TUSC3: variants seen among roughly 807,000 people sequenced by gnomAD.
TUSC3 encodes the protein dolichyl-diphosphooligosaccharide--protein glycosyltransferase subunit TUSC3.
In TUSC3, 45 loss-of-function variants were observed where a neutral mutation model predicts 44.8. That is an observed-to-expected ratio of 1.00 (90% CI 0.79 to 1.29). The LOEUF is 1.29. TUSC3 is among the 50% of genes most tolerant of loss of function. The pLI, the probability that TUSC3 is intolerant of heterozygous loss-of-function variation, is 0.00. For synonymous variants in TUSC3, 212 were observed against 152.9 expected (o/e 1.39, Z -2.85); for missense variants, 519 against 437.9 (o/e 1.19, Z -1.65).
chr8:15,758,250 G>C, intron 10 of TUSC3: 1 of 986,726 alleles, frequency 1.0e-6, no homozygotes, highest in Non-Finnish European at 1.2e-6. Flanking sequence ...TAATATTCAA[G>C]GGTAATAAAA....
intron 5 of TUSC3, among the ~76,000 whole-genome samples, chr8:15,667,227 T>A (rs944696036): frequency 6.6e-6 from 1 of 151,638 alleles, no homozygotes; most frequent in African/African-American, 2.4e-5. Context: ...AGTCTTAAGC[T>A]TTTTGTTGTT....
chr8:15,797,609 G>A, the TUSC3 span, among the ~76,000 whole-genome samples: 6 of 152,170 alleles, frequency 3.9e-5, no homozygotes, highest in Admixed American at 6.5e-5. Flanking sequence ...AAGAACAGAA[G>A]CACTCGTGCT....
intron 1 of TUSC3, among the ~76,000 whole-genome samples, chr8:15,599,443 T>C (rs116324203): frequency 1.2e-3 from 182 of 151,914 alleles, no homozygotes; most frequent in African/African-American, 4.2e-3. Context: ...TGAATTTTAA[T>C]GAAGTCTAGC....
chr8:15,694,557 G>A (rs541564381), intron 6 of TUSC3, among the ~76,000 whole-genome samples: 49 of 152,104 alleles, frequency 3.2e-4, no homozygotes, highest in Admixed American at 6.5e-4. Context: ...TATCTTCGTG[G>A]GCTGATGTCC....
At chr8:15,791,496 A>C in the TUSC3 span, among the ~76,000 whole-genome samples, 3 of 152,106 alleles carry the variant, frequency 2.0e-5, no homozygotes. Flanking sequence ...GAAATCATCT[A>C]ATCCAGTTTC....
At chr8:15,489,186 G>C (rs1239830541) in intron 2 of TUSC3, among the ~76,000 whole-genome samples, 1 of 152,146 alleles carries the variant, frequency 6.6e-6, no homozygotes, top group African/African-American at 2.4e-5. Context: ...TACCTGTAAG[G>C]TCTACATTGG....
At chr8:15,518,350 A>T (rs536938519) in intron 2 of TUSC3, among the ~76,000 whole-genome samples, 1 of 152,060 alleles carries the variant, frequency 6.6e-6, no homozygotes, top group Non-Finnish European at 1.5e-5. Context: ...TTTTATCCAT[A>T]TAGTGTGTGA....
intron 2 of TUSC3, among the ~76,000 whole-genome samples, chr8:15,509,642 A>G (rs1013289589): frequency 2.6e-5 from 4 of 152,016 alleles, no homozygotes; most frequent in African/African-American, 7.2e-5. Flanking sequence ...GCACAGAAAC[A>G]TTGGATTAAG....
chr8:15,686,413 G>A lies in TUSC3; in HGVS notation c.798+12577G>A, dbSNP rs138405916. Among the ~76,000 whole-genome samples, 404 of 152,034 alleles carry A rather than the reference G, an allele frequency of 2.7e-3. 3 individuals are homozygous for A. The highest frequency in any genetic ancestry group is 8.3e-3 in the African/African-American group (344 of 41,472). ...AATTCAGTTGTGAGTAAAACTAAGC[G>A]TTATATTCTGCATGCACATGCAGAA... On this transcript the variant is annotated intron_variant, in intron 6 of 10. Transcript: ENST00000503731.
At chr8:15,456,613 T>G (rs1800259783) in intron 1 of TUSC3, among the ~76,000 whole-genome samples, 2 of 152,300 alleles carry the variant, frequency 1.3e-5, no homozygotes, top group South Asian at 4.1e-4. Flanking sequence ...CTTATGGAAC[T>G]TTGATGTAGA....
At chr8:15,485,338 G>C (rs1394657955) in intron 2 of TUSC3, among the ~76,000 whole-genome samples, 1 of 151,956 alleles carries the variant, frequency 6.6e-6, no homozygotes, top group Non-Finnish European at 1.5e-5. Flanking sequence ...TTGTTTCTTT[G>C]CTGCATTTTT....
chr8:15,432,423 C>G (rs1287270442), intron 1 of TUSC3, among the ~76,000 whole-genome samples: 2 of 152,128 alleles, frequency 1.3e-5, no homozygotes, highest in South Asian at 2.1e-4. Flanking sequence ...ATTCTGTCTA[C>G]TTTATCCATT....
chr8:15,581,809 A>T (rs1803358540), intron 1 of TUSC3, among the ~76,000 whole-genome samples: 2 of 132,516 alleles, frequency 1.5e-5, no homozygotes, highest in South Asian at 2.5e-4. Flanking sequence ...GAGCCTACAG[A>T]GGCAGGCAGG....
chr8:15,578,684 A>G (rs941484675), intron 1 of TUSC3, among the ~76,000 whole-genome samples: 32 of 152,086 alleles, frequency 2.1e-4, no homozygotes, highest in Non-Finnish European at 3.8e-4. Context: ...CATGGTGGAT[A>G]AGCTTTTTGA....
At chr8:15,613,979 G>T (rs939992224) in intron 1 of TUSC3, among the ~76,000 whole-genome samples, 23 of 151,016 alleles carry the variant, frequency 1.5e-4, no homozygotes, top group African/African-American at 5.6e-4. Flanking sequence ...CATGTGTACA[G>T]GAAGTATACA....
chr8:15,815,418 T>C, the TUSC3 span, among the ~76,000 whole-genome samples: 1 of 152,150 alleles, frequency 6.6e-6, no homozygotes, highest in South Asian at 2.1e-4. Flanking sequence ...TTGAGTCAGA[T>C]TTTACAGACT....
chr8:15,471,971 G>T (rs1280939109), intron 1 of TUSC3, among the ~76,000 whole-genome samples: 1 of 152,034 alleles, frequency 6.6e-6, no homozygotes, highest in East Asian at 1.9e-4. Flanking sequence ...ATGAATTTCA[G>T]TGCTTCACCT....
At chr8:15,650,921 C>T (rs757774142) in intron 3 of TUSC3, 107 bp downstream of exon 3, 99 of 1,244,078 alleles carry the variant, frequency 8.0e-5, no homozygotes, top group East Asian at 3.5e-4. Flanking sequence ...ACCTGGGAGG[C>T]GGAGGTTGCA....
At chr8:15,585,344 A>G (rs1203155778) in intron 1 of TUSC3, among the ~76,000 whole-genome samples, 1 of 152,178 alleles carries the variant, frequency 6.6e-6, no homozygotes, top group East Asian at 1.9e-4. Context: ...ACCACAATGT[A>G]GCAGTTTCTT....
Sources: allele counts gnomAD v4.1 joint callset (sites outside exome capture counted in the v4.1 genomes callset), GRCh38; gene constraint gnomAD v4.1.1; transcripts MANE v1.5; gene names NCBI Gene and HGNC (gene_info 2026-07-23, HGNC 2026-07-21).